The following DSCAM variants were observed in gnomAD, a reference collection of about 807,000 sequenced individuals.
DSCAM encodes the protein cell adhesion molecule DSCAM.
Under a neutral mutation model 217.7 loss-of-function variants are expected in DSCAM, and 47 were observed. The ratio of observed to expected loss-of-function variants is 0.22; its 90% CI spans 0.17 to 0.28. The LOEUF (loss-of-function observed/expected upper bound fraction) is 0.28, where lower values mean the gene tolerates loss of function less well. Among genes scored for constraint, DSCAM ranks in the 10% least tolerant of loss-of-function variants. The pLI is 1.00. For missense variants in DSCAM, 2,080 were observed against 2,618.3 expected, an observed-to-expected ratio of 0.79 and a Z score of 4.49; for synonymous variants, 1,056 against 1,015.3, an observed-to-expected ratio of 1.04 and a Z score of -0.76.
At chr21:40,290,826 C>T (rs2073882959) in intron 10 of DSCAM, among the ~76,000 whole-genome samples, 1 of 152,148 alleles carries the variant, frequency 6.6e-6, no homozygotes. Context: ...GAATATTCTT[C>T]ACTATGTCCA....
chr21:40,662,813 G>C (rs1254937254), intron 3 of DSCAM, among the ~76,000 whole-genome samples: 1 of 152,162 alleles, frequency 6.6e-6, no homozygotes, highest in Non-Finnish European at 1.5e-5. Context: ...CGGGCATCTT[G>C]ATCTCAGACT....
At chr21:40,678,645 A>G (rs996824330) in intron 3 of DSCAM, among the ~76,000 whole-genome samples, 1 of 152,218 alleles carries the variant, frequency 6.6e-6, no homozygotes, top group Admixed American at 6.5e-5. Context: ...TTCTCCACAC[A>G]GAAATTCTAC....
rs1293718479 is a variant in DSCAM, at chr21:40,080,196, G to T, written c.4376C>A (p.Pro1459Gln). ...TTCTATGATTTCACTTATGCGCCCTGGGCCCACTCCATTTTGGGCTGTCAG... is the reference window on the plus strand; with the variant it reads ...TTCTATGATTTCACTTATGCGCCCTTGGCCCACTCCATTTTGGGCTGTCAG... Reference protein sequence around the residue: ...FTLTAQNGVGPGRISEIIEAK... With the variant: ...FTLTAQNGVGQGRISEIIEAK... The change falls in exon 25 of 33, where the codon CCA (proline) becomes CAA (glutamine). Residue 1459 changes from proline to glutamine, a missense_variant. This residue lies in a region of DSCAM where 1,144 missense variants were observed against 1,421.1 expected (regional missense o/e 0.81). Coordinates refer to ENST00000400454, the MANE Select transcript of DSCAM (RefSeq NM_001389.5). 3 of 1,612,824 alleles carry T rather than the reference G, an allele frequency of 1.9e-6. No homozygotes were observed. The highest frequency in any genetic ancestry group is 2.5e-6 in the Non-Finnish European group (3 of 1,179,604).
chr21:40,124,178 GT>G lies in DSCAM; in HGVS notation c.3696+16del. On this transcript the variant is annotated intron_variant, in intron 20 of 32. Coordinates refer to ENST00000400454, the MANE Select transcript of DSCAM (RefSeq NM_001389.5). ...CTGGCAGACGCTTGAAAGGCACTTG[GT>G]TATTTACCAACTTACTGTGGGATAG... is the stretch of plus-strand genomic sequence containing the variant. The G allele has an allele frequency of 6.2e-7, 1 of 1,613,866 alleles. No homozygotes were observed. The highest frequency in any genetic ancestry group is 8.5e-7 in the Non-Finnish European group (1 of 1,179,904).
intron 3 of DSCAM, among the ~76,000 whole-genome samples, chr21:40,659,541 CATCTATGTATATGCCT>C (rs2090116065): frequency 6.6e-6 from 1 of 151,796 alleles, no homozygotes; most frequent in Non-Finnish European, 1.5e-5. Context: ...GTTATCTGTC[CATCTATGTATATGCCT>C]ATCTATTTAT....
chr21:40,371,422 C>A (rs1422745776), intron 3 of DSCAM, among the ~76,000 whole-genome samples: 31 of 142,672 alleles, frequency 2.2e-4, no homozygotes, highest in South Asian at 4.3e-4. Context: ...AAAGGAAAGT[C>A]AAAAAAAAAA....
At chr21:40,576,986 T>C (rs1364536224) in intron 3 of DSCAM, among the ~76,000 whole-genome samples, 2 of 148,066 alleles carry the variant, frequency 1.4e-5, no homozygotes, top group Admixed American at 6.7e-5. Context: ...CCTAAAAGTA[T>C]AATAACAATA....
chr21:40,672,117 T>C (rs1189731492), intron 3 of DSCAM, among the ~76,000 whole-genome samples: 4 of 152,144 alleles, frequency 2.6e-5, no homozygotes, highest in African/African-American at 9.7e-5. Flanking sequence ...ACCAGTCCTA[T>C]TGGGTTAGGT....
chr21:40,649,984 C>G (rs1354464550), intron 3 of DSCAM, among the ~76,000 whole-genome samples: 1 of 152,206 alleles, frequency 6.6e-6, no homozygotes, highest in African/African-American at 2.4e-5. Flanking sequence ...GCTCCACACT[C>G]TCTGTGAGAT....
At chr21:40,683,233 T>A (rs7280452) in intron 3 of DSCAM, among the ~76,000 whole-genome samples, 52,448 of 152,092 alleles carry the variant, frequency 0.34, 10,599 homozygotes, top group Non-Finnish European at 0.45. Context: ...ACTGTGTACA[T>A]CTAACAGGGA....
At chr21:40,842,261 G>A (rs985550912) in intron 1 of DSCAM, among the ~76,000 whole-genome samples, 2 of 152,220 alleles carry the variant, frequency 1.3e-5, no homozygotes, top group African/African-American at 2.4e-5. Context: ...ATGCCCACAC[G>A]CGCTTGTTTG....
chr21:40,749,167 G>A (rs2091203341), intron 1 of DSCAM, among the ~76,000 whole-genome samples: 1 of 152,092 alleles, frequency 6.6e-6, no homozygotes, highest in Admixed American at 6.6e-5. Context: ...ATGGAGCAAG[G>A]ATTCTTTAAA....
chr21:40,025,947 C>A (rs1300780706), intron 32 of DSCAM, among the ~76,000 whole-genome samples: 2 of 148,684 alleles, frequency 1.3e-5, no homozygotes, highest in African/African-American at 5.0e-5. Context: ...TTTTCTAGTT[C>A]TTTTAATTGT....
intron 3 of DSCAM, among the ~76,000 whole-genome samples, chr21:40,537,904 T>C (rs1466400921): frequency 2.6e-5 from 4 of 152,176 alleles, no homozygotes; most frequent in Non-Finnish European, 4.4e-5. Context: ...CAAGCACCTT[T>C]CGCATTATAT....
chr21:40,075,764 G>C (rs1367418297), intron 26 of DSCAM, among the ~76,000 whole-genome samples: 1 of 152,184 alleles, frequency 6.6e-6, no homozygotes, highest in Non-Finnish European at 1.5e-5. Context: ...GAGGGTACAA[G>C]AGCTACAGAC....
chr21:40,057,399 A>G (rs1445432021), intron 28 of DSCAM, among the ~76,000 whole-genome samples: 1 of 152,204 alleles, frequency 6.6e-6, no homozygotes, highest in Admixed American at 6.5e-5. Context: ...GACAAGCTAT[A>G]TTTCCACAAA....
intron 3 of DSCAM, among the ~76,000 whole-genome samples, chr21:40,631,402 A>G (rs558289275): frequency 1.1e-4 from 16 of 152,324 alleles, no homozygotes; most frequent in African/African-American, 3.8e-4. Flanking sequence ...TGCCTCATTC[A>G]ACCACTTTTG....
chr21:40,490,376 C>A lies in DSCAM; in HGVS notation c.509-121131G>T, dbSNP rs552735579. Among the ~76,000 whole-genome samples the A allele has an allele frequency of 2.6e-5, 4 of 152,220 alleles. No individual in the cohort carries two copies. The East Asian group carries it at 7.7e-4, about 29-fold the overall frequency. The stretch of plus-strand genomic sequence containing the variant: ...AAAAAATGGAATCTATAATTGGATT[C>A]TAGACATTTTAATTTCTTTTACTTA... On this transcript the variant is annotated intron_variant, in intron 3 of 32. Coordinates refer to ENST00000400454, the MANE Select transcript of DSCAM (RefSeq NM_001389.5).
Position 40,682,585 on chromosome 21 carries a change from A to AAGAGAGAAAGAG in DSCAM, c.508+10224_508+10225insCTCTTTCTCTCT, listed in dbSNP as rs1555880005. On this transcript the variant is annotated intron_variant, in intron 3 of 32. Transcript: ENST00000400454. Reference sequence around the variant, plus strand: ...GAAGAAAATAAAGGTAGAAGAGAGAAAGAGAGAGAGAAAGAGAGAAAGAAA... The same window carrying AAGAGAGAAAGAG: ...GAAGAAAATAAAGGTAGAAGAGAGAAAGAGAGAAAGAGAGAGAGAGAGAAAGAGAGAAAGAAA... Among the ~76,000 whole-genome samples, 37 of 98,404 alleles carry AAGAGAGAAAGAG rather than the reference A, an allele frequency of 3.8e-4. 1 individual carries two copies. In the South Asian group the frequency reaches 0.012, roughly 32 times the overall value. The allele number at this position is 98,404 out of a possible 152,430, so 64.6% of individuals were successfully genotyped here. A position where few individuals can be genotyped will look rare whatever the true frequency, so the allele number is the denominator to read the frequency against.
Sources: allele counts gnomAD v4.1 joint callset (sites outside exome capture counted in the v4.1 genomes callset), GRCh38; gene constraint gnomAD v4.1.1; regional missense constraint gnomAD v4.1.1; transcripts MANE v1.5; gene names NCBI Gene and HGNC (gene_info 2026-07-23, HGNC 2026-07-21).